Variants in MTO1 observed in about 807,000 individuals in gnomAD.
MTO1 encodes 5-taurinomethyluridine-[tRNA] synthase subunit MTO1, mitochondrial.
MTO1 carries 46 observed loss-of-function variants against 71.6 expected under a neutral mutation model. The observed-to-expected ratio is 0.64, with a 90% CI of 0.51 to 0.82. The LOEUF is 0.82. Among genes scored for constraint, MTO1 ranks in the 40% least tolerant of loss-of-function variants. MTO1 has a pLI of 0.00. For synonymous variants in MTO1, 297 were observed against 312.1 expected (o/e 0.95, Z 0.51); for missense variants, 773 against 867.5 (o/e 0.89, Z 1.37).
In MTO1 at chr6:73,504,871, G is replaced by A. The variant is rs1475496568; in HGVS notation, c.*4136G>A. On this transcript the variant is annotated 3_prime_UTR_variant, in exon 12 of 12. Transcript: ENST00000498286. ...ACCACACTCCAGCCTGGGCAACAGA[G>A]TGAGACCCTGCCTGAAAAAAAGCCC... is the stretch of plus-strand genomic sequence containing the variant. 4 of 152,114 alleles carry A rather than the reference G, an allele frequency of 2.6e-5. No homozygotes were observed. Among genetic ancestry groups the A allele is most frequent in the Non-Finnish European group, 5.9e-5 (4 of 68,040 alleles). 9.4% of individuals were successfully genotyped at this position (152,114 alleles called of 1,614,324 possible). A position where few individuals can be genotyped will look rare whatever the true frequency, so the allele number is the denominator to read the frequency against.
intron 10 of MTO1, among the ~76,000 whole-genome samples, chr6:73,496,905 T>G (rs1178323558): frequency 6.6e-6 from 1 of 151,116 alleles, no homozygotes; most frequent in Non-Finnish European, 1.5e-5. Context: ...ATACAAAGAT[T>G]AGCCGGGCGT....
At chr6:73,488,236 C>A (rs1007897503) in intron 9 of MTO1, among the ~76,000 whole-genome samples, 1 of 151,910 alleles carries the variant, frequency 6.6e-6, no homozygotes. Flanking sequence ...TGCAGTGGTA[C>A]AATCATAGCT....
intron 10 of MTO1, among the ~76,000 whole-genome samples, chr6:73,497,003 G>A (rs1356776922): frequency 2.0e-5 from 3 of 151,138 alleles, no homozygotes; most frequent in Admixed American, 6.6e-5. Context: ...GCAGTGAGCC[G>A]AGATCGCGCC....
At position 73,503,871 on chromosome 6, in the gene MTO1, T is replaced by C. The variant is rs1305143069; in HGVS notation, c.*3136T>C. On this transcript the variant is annotated 3_prime_UTR_variant, in exon 12 of 12. Transcript: ENST00000498286. ...AGAGCTTAAATTTTGTTACTGATGGTTTTAAAAGTATTTTGTCATTTTTTA... is the reference window on the plus strand; with the variant it reads ...AGAGCTTAAATTTTGTTACTGATGGCTTTAAAAGTATTTTGTCATTTTTTA... 1 of 152,160 alleles carries C rather than the reference T, an allele frequency of 6.6e-6. No homozygotes were observed. The highest frequency in any genetic ancestry group is 1.5e-5 in the Non-Finnish European group (1 of 68,030). The allele number at this position is 152,160 out of a possible 1,614,324, so 9.4% of individuals were successfully genotyped here.
At chr6:73,481,063 C>T (rs772082618) in intron 7 of MTO1, 24 of 441,724 alleles carry the variant, frequency 5.4e-5, no homozygotes, top group African/African-American at 3.6e-4. Flanking sequence ...AGCGATCCTC[C>T]TGCCTCAGCC....
chr6:73,482,749 C>A, intron 9 of MTO1, 129 bp downstream of exon 9: 15 of 442,682 alleles, frequency 3.4e-5, no homozygotes, highest in Non-Finnish European at 4.6e-5. Flanking sequence ...TTTTTGGCTT[C>A]TTTTCAAAAT....
At chr6:73,471,345 G>A (rs775453405) in intron 3 of MTO1, 49 of 354,386 alleles carry the variant, frequency 1.4e-4, no homozygotes, top group South Asian at 9.3e-4. Context: ...TTTCTCCCCC[G>A]ACTTTCTTTA....
chr6:73,500,632 G>T lies in MTO1; in HGVS notation c.1976G>T (p.Arg659Ile), dbSNP rs1561955910. Residue 659 changes from arginine (R) to isoleucine (I), a missense_variant, in exon 12 of 12, where the codon AGA (arginine) becomes ATA (isoleucine). Transcript: ENST00000498286. ...CCTGCCGCCATCATCAATCTGCTGA[G>T]ATTTGTGAAGACCACTCAACGAAGA... Reference protein sequence around the residue: ...VTPAAIINLLRFVKTTQRRQS... With the variant: ...VTPAAIINLLIFVKTTQRRQS... The T allele has an allele frequency of 1.2e-6, 2 of 1,613,940 alleles. No homozygotes were observed. Among genetic ancestry groups the T allele is most frequent in the South Asian group, 1.1e-5 (1 of 91,044 alleles).
At chr6:73,483,939 C>T (rs533045111) in intron 9 of MTO1, among the ~76,000 whole-genome samples, 108 of 151,938 alleles carry the variant, frequency 7.1e-4, no homozygotes, top group African/African-American at 2.4e-3. Flanking sequence ...CCACCACACC[C>T]GGCTAATTTT....
At chr6:73,480,977 T>G (rs991749475) in intron 7 of MTO1, 172 bp downstream of exon 7, 19 of 582,000 alleles carry the variant, frequency 3.3e-5, no homozygotes, top group East Asian at 1.4e-4. Flanking sequence ...GGGTTTTTTT[T>G]TTTTTTTTTT....
chr6:73,485,736 T>C (rs951332), intron 9 of MTO1, among the ~76,000 whole-genome samples: 137,609 of 152,248 alleles, frequency 0.9, 62,323 homozygotes, highest in East Asian at 0.95. Flanking sequence ...TCACTGTGCC[T>C]GGCCTTAGCC....
intron 10 of MTO1, among the ~76,000 whole-genome samples, chr6:73,496,906 A>G (rs575208076): frequency 2.4e-4 from 36 of 151,714 alleles, no homozygotes; most frequent in Non-Finnish European, 4.9e-4. Flanking sequence ...TACAAAGATT[A>G]GCCGGGCGTG....
chr6:73,472,239 T>A (rs1231357039), intron 3 of MTO1, among the ~76,000 whole-genome samples: 1 of 152,202 alleles, frequency 6.6e-6, no homozygotes, highest in East Asian at 1.9e-4. Flanking sequence ...ACTTTCTATC[T>A]TTCAAAAATA....
At chr6:73,481,278 T>C (rs1771485790) in intron 7 of MTO1, among the ~76,000 whole-genome samples, 1 of 151,968 alleles carries the variant, frequency 6.6e-6, no homozygotes, top group African/African-American at 2.4e-5. Flanking sequence ...TAAAACACTA[T>C]GGCTTTATTA....
intron 4 of MTO1, among the ~76,000 whole-genome samples, chr6:73,474,816 C>T (rs982480971): frequency 2.0e-5 from 3 of 151,138 alleles, no homozygotes; most frequent in Non-Finnish European, 1.5e-5. Flanking sequence ...AGTGCAATGG[C>T]GCAATCTCGG....
chr6:73,482,693 A>G (rs1363538448), intron 9 of MTO1, 73 bp downstream of exon 9: 4 of 1,306,908 alleles, frequency 3.1e-6, no homozygotes, highest in Middle Eastern at 2.8e-4. Flanking sequence ...TCATAGAGAC[A>G]TTACCTATGT....
chr6:73,498,929 A>G (rs1374348073), intron 11 of MTO1, among the ~76,000 whole-genome samples: 1 of 151,878 alleles, frequency 6.6e-6, no homozygotes, highest in East Asian at 1.9e-4. Context: ...GGGTTTCACC[A>G]TGTTGGCTGG....
At chr6:73,481,151 A>C (rs1347737510) in intron 7 of MTO1, 1 of 268,892 alleles carries the variant, frequency 3.7e-6, no homozygotes, top group Non-Finnish European at 7.3e-6. Flanking sequence ...ATATGGTTTC[A>C]CTGTGTTGGC....
chr6:73,465,815 G>A (rs781307445), intron 1 of MTO1, among the ~76,000 whole-genome samples: 23 of 151,856 alleles, frequency 1.5e-4, no homozygotes, highest in Non-Finnish European at 2.4e-4. Flanking sequence ...GGTGAAACCC[G>A]TCTACCAAAA....
Sources: gnomAD v4.1 joint callset for allele counts (sites outside exome capture counted in the v4.1 genomes callset) on GRCh38, gnomAD v4.1.1 for gene constraint, MANE v1.5 for transcripts, NCBI Gene and HGNC (gene_info 2026-07-23, HGNC 2026-07-21) for gene names.